Variants in DDX19A observed in about 807,000 individuals in gnomAD.
The protein encoded by DDX19A is DEAD-box helicase 19A.
Under a neutral mutation model 60.6 loss-of-function variants are expected in DDX19A, and 12 were observed. The observed-to-expected ratio is 0.20, with a 90% CI of 0.13 to 0.32. The LOEUF is 0.32. Ranked by LOEUF, DDX19A falls within the 10% of genes least tolerant of loss-of-function variation. The pLI is 1.00. For synonymous variants in DDX19A, 206 were observed against 218.2 expected (o/e 0.94, Z 0.49); for missense variants, 337 against 600.6 (o/e 0.56, Z 4.59).
chr16:70,348,446 T>G (rs943815090), intron 1 of DDX19A, among the ~76,000 whole-genome samples: 4 of 151,708 alleles, frequency 2.6e-5, no homozygotes, highest in African/African-American at 4.8e-5. Context: ...GCCAACATAG[T>G]GAAACCCTGT....
chr16:70,352,283 C>CTTTTTT (rs58812314), intron 2 of DDX19A, among the ~76,000 whole-genome samples: 2 of 135,342 alleles, frequency 1.5e-5, no homozygotes, highest in African/African-American at 2.7e-5. Flanking sequence ...TCATCCATGT[C>CTTTTTT]TTTTTTTTTT....
intron 2 of DDX19A, among the ~76,000 whole-genome samples, chr16:70,351,670 G>A (rs776629844): frequency 4.0e-4 from 61 of 151,584 alleles, no homozygotes; most frequent in East Asian, 7.8e-4. Context: ...GACTACAGGC[G>A]CCCGCCACCA....
At chr16:70,356,361 C>T (rs1964183719) in intron 4 of DDX19A, 114 bp downstream of exon 4, 1 of 1,512,848 alleles carries the variant, frequency 6.6e-7, no homozygotes, top group Non-Finnish European at 8.9e-7. Context: ...TGTATTTTTT[C>T]CTTTTTTTTT....
chr16:70,371,656 C>T (rs1476244701), intron 11 of DDX19A, 93 bp downstream of exon 11: 1 of 723,906 alleles, frequency 1.4e-6, no homozygotes, highest in East Asian at 2.7e-5. Flanking sequence ...CCAAGAGAGG[C>T]TCTGTCCCTA....
chr16:70,350,501 G>T, intron 1 of DDX19A, 56 bp from the exon 2 acceptor site: 1 of 1,384,730 alleles, frequency 7.2e-7, no homozygotes, highest in South Asian at 1.3e-5. Flanking sequence ...TTTTCTTAGG[G>T]ACCTTCCTTT....
intron 2 of DDX19A, among the ~76,000 whole-genome samples, chr16:70,353,134 T>C (rs1046927396): frequency 3.3e-5 from 5 of 151,812 alleles, no homozygotes; most frequent in Admixed American, 3.3e-4. Context: ...TCTTTCTTTT[T>C]TTTTTTCTTT....
intron 7 of DDX19A, 25 bp from the exon 8 acceptor site, chr16:70,366,060 A>G (rs765996376): frequency 1.2e-6 from 2 of 1,614,140 alleles, no homozygotes; most frequent in East Asian, 2.2e-5. Context: ...TGAAATACCT[A>G]TGAAAATCAC....
intron 9 of DDX19A, among the ~76,000 whole-genome samples, chr16:70,368,458 AG>A (rs897809944): frequency 2.0e-5 from 3 of 152,104 alleles, no homozygotes; most frequent in Non-Finnish European, 4.4e-5. Flanking sequence ...TTTTTGGTAC[AG>A]GGGGTTTCAC....
At chr16:70,354,375 G>A (rs1461917550) in intron 2 of DDX19A, among the ~76,000 whole-genome samples, 2 of 152,038 alleles carry the variant, frequency 1.3e-5, no homozygotes, top group South Asian at 2.1e-4. Context: ...TCAAACTCCC[G>A]ACCTCAGGTG....
In DDX19A at chr16:70,372,718, C is replaced by G. The variant is rs936929390; in HGVS notation, c.*732C>G. On this transcript the variant is annotated 3_prime_UTR_variant, in exon 12 of 12. Coordinates refer to ENST00000302243, the MANE Select transcript of DDX19A (RefSeq NM_018332.5). ...TGGGCCTGGTCTTGCCTTCTCTTCT[C>G]TCGGTTGCTCCCTCTGCCTAGGCCC... The G allele has an allele frequency of 5.2e-5, 8 of 152,496 alleles. No individual in the cohort carries two copies. The highest frequency in any genetic ancestry group is 1.9e-4 in the African/African-American group (8 of 41,452). The allele number at this position is 152,496 out of a possible 1,614,324, so 9.4% of individuals were successfully genotyped here. A position where few individuals can be genotyped will look rare whatever the true frequency, so the allele number is the denominator to read the frequency against.
rs1021019609 is a variant in DDX19A at position 70,346,926 on chromosome 16, T to C, written c.-66T>C. On this transcript the variant is annotated 5_prime_UTR_variant, in exon 1 of 12. Coordinates refer to ENST00000302243, the MANE Select transcript of DDX19A (RefSeq NM_018332.5). Reference sequence around the variant, plus strand: ...GTGCATTCTCGCGCCGGTGGCGAGGTTAGGGCCCGCGTTGCGACGTGGTGC... The same window carrying C: ...GTGCATTCTCGCGCCGGTGGCGAGGCTAGGGCCCGCGTTGCGACGTGGTGC... 1 of 1,527,962 alleles carries C rather than the reference T, an allele frequency of 6.5e-7. No individual in the cohort carries two copies. Among genetic ancestry groups the C allele is most frequent in the Non-Finnish European group, 8.9e-7 (1 of 1,122,206 alleles). The allele number at this position is 1,527,962 out of a possible 1,614,324, so 94.7% of individuals were successfully genotyped here. A position where few individuals can be genotyped will look rare whatever the true frequency, so the allele number is the denominator to read the frequency against.
intron 9 of DDX19A, among the ~76,000 whole-genome samples, 161 bp downstream of exon 9, chr16:70,367,022 C>T (rs577216301): frequency 6.6e-6 from 1 of 152,120 alleles, no homozygotes; most frequent in Admixed American, 6.6e-5. Flanking sequence ...TGGTAGTATC[C>T]CAAGGGATAC....
At chr16:70,352,283 CTT>C (rs58812314) in intron 2 of DDX19A, among the ~76,000 whole-genome samples, 59 of 135,222 alleles carry the variant, frequency 4.4e-4, no homozygotes, top group African/African-American at 7.1e-4. Flanking sequence ...TCATCCATGT[CTT>C]TTTTTTTTTT....
chr16:70,370,493 G>A (rs1964652143), intron 10 of DDX19A, 108 bp downstream of exon 10: 1 of 1,445,828 alleles, frequency 6.9e-7, no homozygotes, highest in African/African-American at 1.4e-5. Flanking sequence ...AGGGAGATGG[G>A]TGGGGTTGGT....
chr16:70,366,488 C>G (rs1964523493), intron 8 of DDX19A, 136 bp from the exon 9 acceptor site: 4 of 1,318,864 alleles, frequency 3.0e-6, no homozygotes, highest in Admixed American at 2.2e-5. Flanking sequence ...CCATCCCAGG[C>G]CTGCTGCTCC....
intron 11 of DDX19A, 106 bp from the exon 12 acceptor site, chr16:70,371,819 C>T: frequency 6.5e-7 from 1 of 1,542,050 alleles, no homozygotes; most frequent in Non-Finnish European, 8.9e-7. Context: ...GCCCTGCTGC[C>T]CCCTGCTTAG....
Position 70,365,093 on chromosome 16 carries a change from C to T in DDX19A, c.566C>T (p.Pro189Leu). ...KVIEQMGKFY[P>L]ELKLAYAVRG... ...ATTGAGCAGATGGGCAAATTTTACCCAGAACTGAAGCTTGCCTATGCCGTT... is the reference window on the plus strand; with the variant it reads ...ATTGAGCAGATGGGCAAATTTTACCTAGAACTGAAGCTTGCCTATGCCGTT... Residue 189 changes from proline (P) to leucine (L), a missense_variant, in exon 7 of 12, where the codon CCA becomes CTA. Physicochemically the swap from Pro to Leu is moderately conservative, Grantham distance 98. Transcript: ENST00000302243. 6.2e-7 allele frequency: 1 copy of T among 1,614,082 alleles called. No homozygotes were observed.
chr16:70,355,749 G>A (rs1964166267), intron 3 of DDX19A: 1 of 593,584 alleles, frequency 1.7e-6, no homozygotes, highest in African/African-American at 1.9e-5. Context: ...ATTCCTTTGG[G>A]CCAGGAGTTC....
At chr16:70,355,842 C>T (rs1444959249) in intron 3 of DDX19A, 1 of 578,078 alleles carries the variant, frequency 1.7e-6, no homozygotes, top group Admixed American at 3.0e-5. Flanking sequence ...CACACCTGTA[C>T]TCCCAGCTAC....
Sources: gnomAD v4.1 joint callset for allele counts (sites outside exome capture counted in the v4.1 genomes callset) on GRCh38, gnomAD v4.1.1 for gene constraint, MANE v1.5 for transcripts, NCBI Gene and HGNC (gene_info 2026-07-23, HGNC 2026-07-21) for gene names.